EPB41L2: variants seen among roughly 807,000 people sequenced by gnomAD.
EPB41L2 encodes band 4.1-like protein 2.
In EPB41L2, 43 loss-of-function variants were observed where a neutral mutation model predicts 113.0. The ratio of observed to expected loss-of-function variants is 0.38; its 90% CI spans 0.30 to 0.49. EPB41L2 has a LOEUF of 0.49. EPB41L2 is among the 20% of genes least tolerant of loss of function. The pLI, the probability that EPB41L2 is intolerant of heterozygous loss-of-function variation, is 0.95. For missense variants in EPB41L2, 1,147 were observed against 1,223.4 expected, an observed-to-expected ratio of 0.94 and a Z score of 0.93; for synonymous variants, 442 against 436.7, an observed-to-expected ratio of 1.01 and a Z score of -0.15.
chr6:130,957,613 A>G (rs951097514), intron 1 of EPB41L2, among the ~76,000 whole-genome samples: 5 of 149,166 alleles, frequency 3.4e-5, no homozygotes, highest in African/African-American at 1.2e-4. Flanking sequence ...TGAGAAACAG[A>G]GTGAGACCCC....
rs547453748 is a variant in EPB41L2 at position 130,933,437 on chromosome 6, C to T, written c.706-6728G>A. Among the ~76,000 whole-genome samples, 3 of 152,258 alleles carry T rather than the reference C, an allele frequency of 2.0e-5. No homozygotes were observed. In the South Asian group the frequency reaches 6.2e-4, roughly 32 times the overall value. ...ATCTATTTTTCGTCTGTCTGCCTCTCCCTAACCCTACTTATACCACTCACT... is the reference window on the plus strand; with the variant it reads ...ATCTATTTTTCGTCTGTCTGCCTCTTCCTAACCCTACTTATACCACTCACT... On this transcript the variant is annotated intron_variant, in intron 3 of 19. Transcript: ENST00000337057.
intron 1 of EPB41L2, among the ~76,000 whole-genome samples, chr6:131,024,597 C>T (rs1790411368): frequency 6.6e-6 from 1 of 152,168 alleles, no homozygotes; most frequent in African/African-American, 2.4e-5. Flanking sequence ...CCTGACTGCA[C>T]CAAGAGCTCT....
rs576810176 is a variant in EPB41L2, at chr6:130,847,424, G to T, written c.*6-6826C>A. The stretch of plus-strand genomic sequence containing the variant: ...TCACACACAACTATAATAGTCCCTT[G>T]AACATAACAGGCTCATAATATAGAT... On this transcript the variant is annotated intron_variant, in intron 19 of 19. Transcript: ENST00000337057. Among the ~76,000 whole-genome samples the T allele has an allele frequency of 7.9e-5, 12 of 152,104 alleles. No homozygotes were observed. In the South Asian group the frequency reaches 1.2e-3, roughly 16 times the overall value.
At chr6:130,993,107 C>T (rs1169325290) in intron 1 of EPB41L2, among the ~76,000 whole-genome samples, 1 of 152,162 alleles carries the variant, frequency 6.6e-6, no homozygotes, top group Non-Finnish European at 1.5e-5. Flanking sequence ...TGTTATTTTA[C>T]AGTGGTAAGC....
intron 13 of EPB41L2, chr6:130,878,488 G>C: frequency 2.5e-6 from 1 of 400,264 alleles, no homozygotes; most frequent in Admixed American, 4.7e-5. Context: ...CATTTTAAAG[G>C]GTTCTGATTT....
At chr6:130,851,396 C>A (rs1169292030) in intron 19 of EPB41L2, among the ~76,000 whole-genome samples, 2 of 152,172 alleles carry the variant, frequency 1.3e-5, no homozygotes, top group Non-Finnish European at 2.9e-5. Context: ...AATTGGCATT[C>A]GTGTACCCAC....
intron 1 of EPB41L2, among the ~76,000 whole-genome samples, chr6:131,034,963 T>G (rs1438630705): frequency 6.6e-6 from 1 of 152,164 alleles, no homozygotes; most frequent in Non-Finnish European, 1.5e-5. Context: ...GAGAAAAGAT[T>G]CTTCACACCT....
intron 1 of EPB41L2, among the ~76,000 whole-genome samples, chr6:130,994,751 C>T (rs1782664896): frequency 6.6e-6 from 1 of 152,170 alleles, no homozygotes; most frequent in East Asian, 1.9e-4. Context: ...AATCAGTAAG[C>T]TCAAAGGAAA....
chr6:130,968,957 T>A (rs974169432), intron 1 of EPB41L2, among the ~76,000 whole-genome samples: 2 of 152,178 alleles, frequency 1.3e-5, no homozygotes, highest in African/African-American at 4.8e-5. Flanking sequence ...GCATTCAACG[T>A]CTGGAGTCCA....
intron 10 of EPB41L2, among the ~76,000 whole-genome samples, chr6:130,892,951 T>C (rs963093085): frequency 6.6e-6 from 1 of 152,042 alleles, no homozygotes; most frequent in Admixed American, 6.6e-5. Context: ...AGACCATAAG[T>C]CCAGAGCAAA....
At position 130,885,376 on chromosome 6, in the gene EPB41L2, A is replaced by G. The variant is rs1790612283; in HGVS notation, c.1661-108T>C. On this transcript the variant is annotated intron_variant, in intron 11 of 19. Transcript: ENST00000337057. The stretch of plus-strand genomic sequence containing the variant: ...AACAGGCAGCATATAAATAGTGAAC[A>G]GGAACAGAGACATTGCTTGAGCTCT... 5 of 978,498 alleles carry G rather than the reference A, an allele frequency of 5.1e-6. No individual in the cohort carries two copies. In the East Asian group the frequency reaches 1.2e-4, roughly 24 times the overall value. The allele number at this position is 978,498 out of a possible 1,614,324, so 60.6% of individuals were successfully genotyped here.
At chr6:130,941,242 A>T (rs1276001520) in intron 3 of EPB41L2, among the ~76,000 whole-genome samples, 1 of 152,184 alleles carries the variant, frequency 6.6e-6, no homozygotes, top group East Asian at 1.9e-4. Context: ...TTAATTTTTT[A>T]AAAATGAAAA....
At chr6:130,895,694 A>T (rs565136997) in intron 8 of EPB41L2, among the ~76,000 whole-genome samples, 30 of 152,178 alleles carry the variant, frequency 2.0e-4, no homozygotes, top group Non-Finnish European at 3.1e-4. Context: ...TTTTTCATTA[A>T]CTTAGAATGC....
At position 130,948,934 on chromosome 6, in the gene EPB41L2, A is replaced by G. The variant is rs951273258; in HGVS notation, c.705+6171T>C. On this transcript the variant is annotated intron_variant, in intron 3 of 19. Transcript: ENST00000337057. ...AGAAATTATCAAATCAACAATTACAAGGAAAGGTTTGAACACACCTCTCTT... is the reference window on the plus strand; with the variant it reads ...AGAAATTATCAAATCAACAATTACAGGGAAAGGTTTGAACACACCTCTCTT... Among the ~76,000 whole-genome samples, 32 of 152,216 alleles carry G rather than the reference A, an allele frequency of 2.1e-4. 1 individual carries two copies. The highest frequency in any genetic ancestry group is 2.2e-4 in the Non-Finnish European group (15 of 68,046).
At chr6:130,944,277 C>T (rs924165584) in intron 3 of EPB41L2, among the ~76,000 whole-genome samples, 1 of 151,266 alleles carries the variant, frequency 6.6e-6, no homozygotes, top group African/African-American at 2.4e-5. Context: ...TAAACAAATG[C>T]TATCATTTAT....
At chr6:130,948,330 A>G (rs1046006372) in intron 3 of EPB41L2, among the ~76,000 whole-genome samples, 5 of 152,296 alleles carry the variant, frequency 3.3e-5, no homozygotes, top group African/African-American at 9.6e-5. Context: ...TAGAAGGACT[A>G]GTTACACAGA....
chr6:130,947,017 A>ACCCCCCCCCCC (rs58960778), intron 3 of EPB41L2, among the ~76,000 whole-genome samples: 22 of 112,022 alleles, frequency 2.0e-4, no homozygotes, highest in African/African-American at 6.0e-4. Context: ...AATAAAGAAG[A>ACCCCCCCCCCC]CCCCCCCCCC....
intron 1 of EPB41L2, among the ~76,000 whole-genome samples, chr6:130,960,344 A>G (rs1271205250): frequency 1.3e-5 from 2 of 152,264 alleles, no homozygotes; most frequent in Non-Finnish European, 2.9e-5. Context: ...TAAAAGTAAG[A>G]AATTTATAGA....
Position 130,869,799 on chromosome 6 carries a change from C to T in EPB41L2, c.2371G>A (p.Glu791Lys), listed in dbSNP as rs1421231670. Residue 791 changes from glutamate (E) to lysine (K), a missense_variant, in exon 15 of 20, where the codon GAG (glutamate) becomes AAG (lysine). Transcript: ENST00000337057. ...PRPAAKVVER[E>K]EAVPEASPVT... ...GGGCTGGCTTCGGGCACTGCTTCCT[C>T]CCTCTCTACTACCTTGGCTGCCGGG... The T allele has an allele frequency of 6.2e-7, 1 of 1,613,924 alleles. No individual in the cohort carries two copies. The highest frequency in any genetic ancestry group is 2.2e-5 in the East Asian group (1 of 44,882).
Sources: allele counts gnomAD v4.1 joint callset (sites outside exome capture counted in the v4.1 genomes callset), GRCh38; gene constraint gnomAD v4.1.1; transcripts MANE v1.5; gene names NCBI Gene and HGNC (gene_info 2026-07-23, HGNC 2026-07-21).